Variants in SEC23A observed in about 807,000 individuals in gnomAD.
SEC23A encodes SEC23 homolog A, COPII component, also known as protein transport protein Sec23A.
A neutral mutation model predicts 103.7 loss-of-function variants in SEC23A; 56 were observed. That is an observed-to-expected ratio of 0.54 (90% confidence interval 0.44 to 0.67). The LOEUF (loss-of-function observed/expected upper bound fraction) is 0.67. SEC23A is among the 30% of genes least tolerant of loss of function. The pLI, the probability that SEC23A is intolerant of heterozygous loss-of-function variation, is 0.00. For missense variants in SEC23A, 784 were observed against 936.4 expected (o/e 0.84, Z 2.12); for synonymous variants, 281 against 293.0 (o/e 0.96, Z 0.42).
intron 7 of SEC23A, among the ~76,000 whole-genome samples, chr14:39,078,577 T>G (rs1186318902): frequency 6.6e-6 from 1 of 152,214 alleles, no homozygotes; most frequent in Non-Finnish European, 1.5e-5. Flanking sequence ...GCAGGCCATC[T>G]GCCTGGAGAA....
chr14:39,055,959 T>C (rs1183091979), intron 13 of SEC23A, among the ~76,000 whole-genome samples: 3 of 152,214 alleles, frequency 2.0e-5, no homozygotes, highest in Admixed American at 6.5e-5. Flanking sequence ...ATCTAGGCGC[T>C]ATAGCGAAGG....
At chr14:39,076,685 G>A (rs1040303958) in intron 7 of SEC23A, among the ~76,000 whole-genome samples, 1 of 151,950 alleles carries the variant, frequency 6.6e-6, no homozygotes, top group African/African-American at 2.4e-5. Context: ...CAGCACTTTG[G>A]GAGGCTGAGG....
intron 19 of SEC23A, among the ~76,000 whole-genome samples, chr14:39,036,979 G>A (rs919525512): frequency 3.9e-5 from 6 of 151,924 alleles, no homozygotes; most frequent in African/African-American, 1.2e-4. Flanking sequence ...AACTGTCTGC[G>A]GCATGTCAGT....
Position 39,092,617 on chromosome 14 carries a change from C to G in SEC23A, c.290G>C (p.Ser97Thr). The change falls in exon 4 of 20, where the codon AGT becomes ACT. Residue 97 changes from serine to threonine, a missense_variant. By Grantham distance (58) the Ser-to-Thr change is moderately conservative (BLOSUM62 1). Transcript: ENST00000307712. ...FCYQRNQFPPSYAGISELNQP... is the reference protein window; with the variant it reads ...FCYQRNQFPPTYAGISELNQP... ...ATTCAGTTCAGATATACCAGCATAA[C>G]TAGGTGGAAACTACAAATAGAAAAC... The G allele has an allele frequency of 6.2e-7, 1 of 1,607,052 alleles. No individual in the cohort carries two copies. Among genetic ancestry groups the G allele is most frequent in the African/African-American group, 1.3e-5 (1 of 74,826 alleles).
At chr14:39,096,886 T>C (rs1169586994) in intron 1 of SEC23A, among the ~76,000 whole-genome samples, 1 of 152,198 alleles carries the variant, frequency 6.6e-6, no homozygotes, top group Admixed American at 6.5e-5. Context: ...CAGAAGAGAA[T>C]GTTTAATGGT....
chr14:39,061,838 C>A lies in SEC23A; in HGVS notation c.1432G>T (p.Ala478Ser), dbSNP rs759091967. 63 of 1,613,848 alleles carry A rather than the reference C, an allele frequency of 3.9e-5. 1 individual carries two copies. The highest frequency in any genetic ancestry group is 4.7e-5 in the Non-Finnish European group (56 of 1,179,858). ...TGATACTGAGTCACAAACTGGATTG[C>A]ACCACGCCCTCCTTGAGGAATTGGA... ...NAPIPQGGRGAIQFVTQYQHS... is the reference protein window; with the variant it reads ...NAPIPQGGRGSIQFVTQYQHS... The change falls in exon 13 of 20, where the codon GCA (alanine) becomes TCA (serine). Residue 478 changes from alanine (A) to serine (S), a missense_variant. Transcript: ENST00000307712.
chr14:39,037,473 C>T (rs773984815), intron 19 of SEC23A, among the ~76,000 whole-genome samples: 3 of 152,226 alleles, frequency 2.0e-5, no homozygotes, highest in Non-Finnish European at 2.9e-5. Flanking sequence ...TACCTACATT[C>T]ACTGACTGTT....
intron 13 of SEC23A, among the ~76,000 whole-genome samples, chr14:39,055,609 CAAAT>C (rs1268707577): frequency 6.6e-6 from 1 of 151,710 alleles, no homozygotes; most frequent in Non-Finnish European, 1.5e-5. Context: ...GGAAATTAAA[CAAAT>C]AAAGAAAAAT....
chr14:39,091,367 T>TATATGATATGATA (rs1887656669), intron 5 of SEC23A, 110 bp downstream of exon 5: 2 of 750,364 alleles, frequency 2.7e-6, no homozygotes, highest in African/African-American at 3.5e-5. Flanking sequence ...ATAATACAAT[T>TATATGATATGATA]ATATTAGTTA....
intron 5 of SEC23A, chr14:39,090,924 C>G (rs951800690): frequency 1.3e-5 from 4 of 314,992 alleles, no homozygotes; most frequent in African/African-American, 9.1e-5. Flanking sequence ...ATGTCAACAT[C>G]AGGAGCTTCA....
At chr14:39,097,067 T>C (rs1481544521) in intron 1 of SEC23A, among the ~76,000 whole-genome samples, 1 of 152,358 alleles carries the variant, frequency 6.6e-6, no homozygotes, top group African/African-American at 2.4e-5. Flanking sequence ...TTCAGAATAT[T>C]TTGAACATTC....
intron 7 of SEC23A, among the ~76,000 whole-genome samples, chr14:39,077,471 G>C (rs994528619): frequency 3.3e-5 from 5 of 151,890 alleles, no homozygotes; most frequent in African/African-American, 4.8e-5. Context: ...GAACCCGGGA[G>C]GTGGAGGTTG....
intron 11 of SEC23A, 91 bp downstream of exon 11, chr14:39,064,822 C>T: frequency 2.2e-6 from 2 of 925,896 alleles, no homozygotes; most frequent in Middle Eastern, 2.1e-4. Context: ...TTAAGCAATC[C>T]TCCTGCCTCA....
intron 19 of SEC23A, among the ~76,000 whole-genome samples, chr14:39,035,898 T>C (rs1374139220): frequency 6.6e-6 from 1 of 151,998 alleles, no homozygotes; most frequent in Non-Finnish European, 1.5e-5. Flanking sequence ...TGTAGGACGG[T>C]GCTATGGTTT....
In SEC23A at chr14:39,058,498, G is replaced by A. The variant is rs1024041645; in HGVS notation, c.1506-3202C>T. Among the ~76,000 whole-genome samples the A allele has an allele frequency of 5.9e-5, 9 of 152,064 alleles. No homozygotes were observed. The East Asian group carries it at 1.4e-3, about 23-fold the overall frequency. ...AATTTTTTGTATTTTTAGTAGAGAC[G>A]GGGTTTCACCTTGTTAGCCAGGATG... On this transcript the variant is annotated intron_variant, in intron 13 of 19. Coordinates refer to ENST00000307712, the MANE Select transcript of SEC23A (RefSeq NM_006364.4).
chr14:39,097,013 TC>T (rs1887912552), intron 1 of SEC23A, among the ~76,000 whole-genome samples: 2 of 152,164 alleles, frequency 1.3e-5, no homozygotes, highest in South Asian at 4.1e-4. Flanking sequence ...TAAGTGCTGT[TC>T]CCCCAATTTA....
chr14:39,094,755 T>C (rs1887829236), intron 2 of SEC23A: 4 of 445,498 alleles, frequency 9.0e-6, no homozygotes, highest in Non-Finnish European at 1.6e-5. Context: ...TACTATACCA[T>C]TGTCAAGGTA....
At chr14:39,054,420 T>A (rs879878088) in intron 14 of SEC23A, among the ~76,000 whole-genome samples, 1 of 152,206 alleles carries the variant, frequency 6.6e-6, no homozygotes, top group Non-Finnish European at 1.5e-5. Context: ...TAGAACCAGA[T>A]AATACAGACT....
intron 7 of SEC23A, among the ~76,000 whole-genome samples, chr14:39,078,628 C>A (rs1389813897): frequency 6.6e-6 from 1 of 152,132 alleles, no homozygotes; most frequent in East Asian, 1.9e-4. Context: ...GATACAGAAC[C>A]AAGCACATGT....
Sources: gnomAD v4.1 joint callset for allele counts (sites outside exome capture counted in the v4.1 genomes callset) on GRCh38, gnomAD v4.1.1 for gene constraint, MANE v1.5 for transcripts, NCBI Gene and HGNC (gene_info 2026-07-23, HGNC 2026-07-21) for gene names.